The following AKR1D1 variants were observed in gnomAD, a reference collection of about 807,000 sequenced individuals.
AKR1D1 encodes delta(4)-3-ketosteroid 5-beta-reductase.
AKR1D1 carries 32 observed loss-of-function variants against 42.6 expected under a neutral mutation model. The observed-to-expected ratio is 0.75, with a 90% confidence interval of 0.57 to 1.01. The LOEUF (loss-of-function observed/expected upper bound fraction) is 1.01, where lower values mean the gene tolerates loss of function less well. AKR1D1 is among the 50% of genes least tolerant of loss of function. The pLI is 0.00. For missense variants in AKR1D1, 364 were observed against 402.2 expected, an observed-to-expected ratio of 0.91 and a Z score of 0.81; for synonymous variants, 123 against 135.5, an observed-to-expected ratio of 0.91 and a Z score of 0.64.
intron 1 of AKR1D1, among the ~76,000 whole-genome samples, chr7:138,088,240 C>T (rs1793977702): frequency 6.6e-6 from 1 of 152,176 alleles, no homozygotes; most frequent in Admixed American, 6.5e-5. Context: ...GTGGATACAT[C>T]TCAATTTGTT....
At chr7:138,081,672 G>C (rs529487045) in intron 1 of AKR1D1, among the ~76,000 whole-genome samples, 1 of 151,858 alleles carries the variant, frequency 6.6e-6, no homozygotes, top group Admixed American at 6.6e-5. Context: ...GGGACTACAG[G>C]TGTGCACCAC....
chr7:138,084,930 C>A (rs1803137920), intron 1 of AKR1D1, among the ~76,000 whole-genome samples: 3 of 151,846 alleles, frequency 2.0e-5, no homozygotes, highest in Admixed American at 2.0e-4. Context: ...GTGGCACACA[C>A]CTGCAGTCCC....
chr7:138,085,016 A>G (rs1353322607), intron 1 of AKR1D1, among the ~76,000 whole-genome samples: 3 of 132,076 alleles, frequency 2.3e-5, no homozygotes, highest in Non-Finnish European at 4.6e-5. Context: ...AGATCATGCC[A>G]CTGCACTCCA....
Position 138,111,187 on chromosome 7 carries a change from CCT to C in AKR1D1, c.856-2498_856-2497del, listed in dbSNP as rs1794529759. Among the ~76,000 whole-genome samples, 2 of 152,284 alleles carry C rather than the reference CCT, an allele frequency of 1.3e-5. 1 individual carries two copies. Among genetic ancestry groups the C allele is most frequent in the Admixed American group, 1.3e-4 (2 of 15,296 alleles). ...TCTCTTTCCTACACTAGCAATTGTT[CCT>C]CTCTACTGTGTAACTCCCACCAACA... On this transcript the variant is annotated intron_variant, in intron 7 of 8. Coordinates refer to ENST00000242375, the MANE Select transcript of AKR1D1 (RefSeq NM_005989.4).
intron 7 of AKR1D1, among the ~76,000 whole-genome samples, chr7:138,108,736 C>T (rs1405157712): frequency 1.3e-5 from 2 of 151,984 alleles, no homozygotes; most frequent in African/African-American, 4.8e-5. Flanking sequence ...ATCTATTGTA[C>T]AAAAAGGTGT....
intron 7 of AKR1D1, among the ~76,000 whole-genome samples, chr7:138,111,825 T>C (rs1161205566): frequency 1.3e-5 from 2 of 152,180 alleles, no homozygotes; most frequent in African/African-American, 2.4e-5. Context: ...GAAGAAACAG[T>C]GAATCAGTGT....
intron 2 of AKR1D1, among the ~76,000 whole-genome samples, chr7:138,089,785 T>C (rs1794026982): frequency 6.6e-6 from 1 of 152,224 alleles, no homozygotes; most frequent in Non-Finnish European, 1.5e-5. Flanking sequence ...TGAGTTCATG[T>C]AATGTGCCAT....
chr7:138,114,458 G>A (rs1794594746), intron 8 of AKR1D1, among the ~76,000 whole-genome samples: 1 of 152,064 alleles, frequency 6.6e-6, no homozygotes, highest in South Asian at 2.1e-4. Flanking sequence ...TCGGGAGTTA[G>A]AGATCAGCCT....
chr7:138,089,972 G>A (rs1794030231), intron 2 of AKR1D1, among the ~76,000 whole-genome samples: 1 of 152,086 alleles, frequency 6.6e-6, no homozygotes, highest in African/African-American at 2.4e-5. Context: ...CTGTAAAATG[G>A]GGATAATAAT....
intron 2 of AKR1D1, among the ~76,000 whole-genome samples, chr7:138,089,500 G>A (rs933868474): frequency 6.6e-6 from 1 of 151,476 alleles, no homozygotes; most frequent in Non-Finnish European, 1.5e-5. Flanking sequence ...GGCTTCCTGG[G>A]CAGGCACATT....
intron 1 of AKR1D1, among the ~76,000 whole-genome samples, chr7:138,078,167 G>T (rs1439687949): frequency 1.3e-5 from 2 of 152,062 alleles, no homozygotes; most frequent in Non-Finnish European, 2.9e-5. Context: ...TCATCATATT[G>T]CCCAGGTTGG....
Position 138,094,385 on chromosome 7 carries a change from T to C in AKR1D1, c.378+2501T>C, listed in dbSNP as rs551414227. 3.3e-4 allele frequency among the ~76,000 whole-genome samples: 50 copies of C among 152,228 alleles called. No homozygotes were observed. In the South Asian group the frequency reaches 8.7e-3, roughly 26 times the overall value. ...CAAAAATTAGCCAGGCTTGGTGGCA[T>C]GTGCCTGTGGTCTCAGCTACTTGGG... is the stretch of plus-strand genomic sequence containing the variant. On this transcript the variant is annotated intron_variant, in intron 3 of 8. Coordinates refer to ENST00000242375, the MANE Select transcript of AKR1D1 (RefSeq NM_005989.4).
intron 3 of AKR1D1, among the ~76,000 whole-genome samples, chr7:138,097,260 G>A (rs966203639): frequency 3.3e-5 from 5 of 152,248 alleles, no homozygotes; most frequent in East Asian, 1.9e-4. Flanking sequence ...CATACAGCCC[G>A]TTAGGTTGAT....
chr7:138,110,526 G>A (rs918662058), intron 7 of AKR1D1, among the ~76,000 whole-genome samples: 1 of 152,172 alleles, frequency 6.6e-6, no homozygotes, highest in African/African-American at 2.4e-5. Context: ...GCTGAGGCAG[G>A]TGGATCACCT....
At chr7:138,105,064 T>C (rs141756459) in intron 4 of AKR1D1, among the ~76,000 whole-genome samples, 104 of 152,248 alleles carry the variant, frequency 6.8e-4, no homozygotes, top group African/African-American at 2.4e-3. Flanking sequence ...CTACCTGGGA[T>C]CACTAAAGTG....
intron 3 of AKR1D1, among the ~76,000 whole-genome samples, chr7:138,096,565 A>G (rs566269353): frequency 1.3e-5 from 2 of 152,354 alleles, no homozygotes; most frequent in Middle Eastern, 3.4e-3. Flanking sequence ...GGGGGGACAC[A>G]TTTAAACCAC....
chr7:138,090,387 A>G (rs556981353), intron 2 of AKR1D1, among the ~76,000 whole-genome samples: 9 of 152,188 alleles, frequency 5.9e-5, no homozygotes, highest in Non-Finnish European at 1.2e-4. Context: ...CTGTAATCCC[A>G]GCACTTTGGA....
intron 4 of AKR1D1, among the ~76,000 whole-genome samples, chr7:138,099,786 G>A (rs1424367324): frequency 2.6e-5 from 4 of 151,050 alleles, no homozygotes; most frequent in Admixed American, 2.0e-4. Flanking sequence ...AGGATCACTT[G>A]AGCACAGGAG....
chr7:138,084,183 G>A (rs1803116418), intron 1 of AKR1D1, among the ~76,000 whole-genome samples: 1 of 149,816 alleles, frequency 6.7e-6, no homozygotes, highest in African/African-American at 2.5e-5. Flanking sequence ...CCCATAAAAT[G>A]TAGTTTGAAT....
Sources: allele counts gnomAD v4.1 joint callset (sites outside exome capture counted in the v4.1 genomes callset), GRCh38; gene constraint gnomAD v4.1.1; transcripts MANE v1.5; gene names NCBI Gene and HGNC (gene_info 2026-07-23, HGNC 2026-07-21).